Variants in TENM3 observed in about 807,000 individuals in gnomAD.
TENM3 encodes teneurin transmembrane protein 3.
Under a neutral mutation model 255.1 loss-of-function variants are expected in TENM3, and 63 were observed. The observed-to-expected ratio is 0.25, with a 90% CI of 0.20 to 0.30. The LOEUF is 0.30. TENM3 is among the 10% of genes least tolerant of loss of function. The pLI is 1.00. For missense variants in TENM3, 2,929 were observed against 3,461.1 expected (o/e 0.85, Z 3.86); for synonymous variants, 1,306 against 1,322.3 (o/e 0.99, Z 0.27).
At chr4:181,941,018 A>G in the TENM3 span, among the ~76,000 whole-genome samples, 1 of 152,244 alleles carries the variant, frequency 6.6e-6, no homozygotes, top group Non-Finnish European at 1.5e-5. Flanking sequence ...ATTCATGGTT[A>G]TCAGGCTGAA....
rs1264154788 is a variant in TENM3 at position 182,789,457 on chromosome 4, C to T, written c.5601+68C>T. 2 of 1,429,906 alleles carry T rather than the reference C, an allele frequency of 1.4e-6. No homozygotes were observed. 88.6% of individuals were successfully genotyped at this position (1,429,906 alleles called of 1,614,324 possible). A position where few individuals can be genotyped will look rare whatever the true frequency, so the allele number is the denominator to read the frequency against. On this transcript the variant is annotated intron_variant, in intron 25 of 27. Transcript: ENST00000511685. This position sits in a 1 kb window ranked among gnomAD's most constrained non-coding sequence, Gnocchi z 4.4. ...CACATTTTTCAGCAATCATCCAGAG[C>T]ACTAAGGGGAAAAAAAACAGTGGCA...
chr4:181,907,693 A>AC, the TENM3 span, among the ~76,000 whole-genome samples: 1 of 151,962 alleles, frequency 6.6e-6, no homozygotes, highest in East Asian at 1.9e-4. Flanking sequence ...TGAGATCATC[A>AC]CCCCACAAGC....
the TENM3 span, among the ~76,000 whole-genome samples, chr4:181,868,989 C>T: frequency 6.6e-6 from 1 of 151,316 alleles, no homozygotes; most frequent in Admixed American, 6.6e-5. Context: ...GATTTCTACC[C>T]ATCCTAAATT....
chr4:182,171,257 G>A (rs115647022), intron 1 of TENM3, among the ~76,000 whole-genome samples: 1 of 152,162 alleles, frequency 6.6e-6, no homozygotes, highest in African/African-American at 2.4e-5. Flanking sequence ...GTCTCCCTGA[G>A]TTACTAGATA....
chr4:182,568,461 A>T (rs1744021373), intron 3 of TENM3, among the ~76,000 whole-genome samples: 1 of 152,226 alleles, frequency 6.6e-6, no homozygotes, highest in Non-Finnish European at 1.5e-5. Flanking sequence ...GGTATGAGTA[A>T]GTTTACCCCG....
At chr4:181,861,883 A>C in the TENM3 span, among the ~76,000 whole-genome samples, 1 of 152,118 alleles carries the variant, frequency 6.6e-6, no homozygotes, top group African/African-American at 2.4e-5. Flanking sequence ...TTAGTATAGG[A>C]TAATTTCACT....
At chr4:182,471,542 C>G (rs2151454295) in intron 3 of TENM3, among the ~76,000 whole-genome samples, 1 of 152,022 alleles carries the variant, frequency 6.6e-6, no homozygotes, top group African/African-American at 2.4e-5. Flanking sequence ...AGAAAAGATA[C>G]AGTAAAAATA....
At chr4:181,774,088 C>A in the TENM3 span, among the ~76,000 whole-genome samples, 1 of 100,148 alleles carries the variant, frequency 1.0e-5, no homozygotes, top group South Asian at 4.3e-4. Context: ...CATATGTATA[C>A]ATGTGCCATG....
At chr4:182,201,612 G>A (rs1238571674) in intron 1 of TENM3, among the ~76,000 whole-genome samples, 1 of 151,942 alleles carries the variant, frequency 6.6e-6, no homozygotes, top group Non-Finnish European at 1.5e-5. Context: ...CAGGGGTGGG[G>A]GCAGCGGCTG....
chr4:182,580,061 G>T (rs922147737), intron 3 of TENM3, among the ~76,000 whole-genome samples: 1 of 152,050 alleles, frequency 6.6e-6, no homozygotes, highest in Non-Finnish European at 1.5e-5. Flanking sequence ...CTAAGGGTGA[G>T]GACCATTAGA....
intron 3 of TENM3, among the ~76,000 whole-genome samples, chr4:182,463,931 C>T (rs1256047948): frequency 1.3e-5 from 2 of 151,862 alleles, no homozygotes; most frequent in African/African-American, 4.8e-5. Flanking sequence ...CGTAGTATCA[C>T]TTTTGTGTGT....
chr4:182,584,884 C>G (rs1015722107), intron 3 of TENM3, among the ~76,000 whole-genome samples: 1 of 152,070 alleles, frequency 6.6e-6, no homozygotes, highest in Non-Finnish European at 1.5e-5. Context: ...TCAGGCAATC[C>G]ACCCACCTCG....
At chr4:182,433,420 A>C (rs1043510845) in intron 3 of TENM3, among the ~76,000 whole-genome samples, 5 of 152,202 alleles carry the variant, frequency 3.3e-5, no homozygotes, top group African/African-American at 1.2e-4. Flanking sequence ...GTCATGGAAT[A>C]GCATAATTTG....
the TENM3 span, among the ~76,000 whole-genome samples, chr4:181,790,851 A>G: frequency 1.3e-5 from 2 of 152,144 alleles, no homozygotes; most frequent in African/African-American, 4.8e-5. Flanking sequence ...ATTTCTGGTG[A>G]TATTTAGAGG....
At chr4:182,425,006 T>G (rs1423126012) in intron 3 of TENM3, among the ~76,000 whole-genome samples, 1 of 152,208 alleles carries the variant, frequency 6.6e-6, no homozygotes, top group African/African-American at 2.4e-5. Flanking sequence ...TTGAGATGTC[T>G]CCTCAAAATT....
the TENM3 span, among the ~76,000 whole-genome samples, chr4:181,909,076 G>A: frequency 6.6e-6 from 1 of 152,010 alleles, no homozygotes; most frequent in Non-Finnish European, 1.5e-5. Context: ...ATTTCTTACT[G>A]TCATACTACT....
chr4:182,119,265 C>G, the TENM3 span, among the ~76,000 whole-genome samples: 1 of 152,146 alleles, frequency 6.6e-6, no homozygotes, highest in African/African-American at 2.4e-5. Context: ...CGAAATGGCT[C>G]CTTTTCCTCT....
At chr4:181,902,013 G>A in the TENM3 span, among the ~76,000 whole-genome samples, 3 of 151,982 alleles carry the variant, frequency 2.0e-5, no homozygotes, top group South Asian at 2.1e-4. Context: ...AGTGTTAATC[G>A]AATTAGAGCC....
chr4:181,756,222 C>T, the TENM3 span, among the ~76,000 whole-genome samples: 1 of 152,094 alleles, frequency 6.6e-6, no homozygotes, highest in East Asian at 1.9e-4. Context: ...TCCCTTCTGC[C>T]TTGTTATCCT....
Sources: allele counts gnomAD v4.1 joint callset (sites outside exome capture counted in the v4.1 genomes callset), GRCh38; gene constraint gnomAD v4.1.1; non-coding constraint Gnocchi (gnomAD v3.1); transcripts MANE v1.5; gene names NCBI Gene and HGNC (gene_info 2026-07-23, HGNC 2026-07-21).